CACNA1H: variants seen among roughly 807,000 people sequenced by gnomAD.
CACNA1H encodes voltage-dependent T-type calcium channel subunit alpha-1H.
A neutral mutation model predicts 192.5 loss-of-function variants in CACNA1H; 149 were observed. That is an observed-to-expected ratio of 0.77 (90% CI 0.68 to 0.89). The LOEUF (loss-of-function observed/expected upper bound fraction) is 0.89. Among genes scored for constraint, CACNA1H ranks in the 40% least tolerant of loss-of-function variants. The probability of loss-of-function intolerance (pLI) is 0.00; values close to 1 mark genes in which losing one functional copy is unlikely to be tolerated. For missense variants in CACNA1H, 4,257 were observed against 3,423.5 expected (o/e 1.24, Z -6.08); for synonymous variants, 2,202 against 1,475.2 (o/e 1.49, Z -11.29).
chr16:1,191,938 G>A (rs1381244490), intron 2 of CACNA1H, among the ~76,000 whole-genome samples: 1 of 152,290 alleles, frequency 6.6e-6, no homozygotes, highest in East Asian at 1.9e-4. Context: ...GCCGTCACCT[G>A]TGCAGCACCG....
rs3833847 is a variant in CACNA1H at position 1,219,789 on chromosome 16, TCA to T, written c.6049-189_6049-188del. ...CGGGTACAGGCTTTCCCCGGGAGCCTCACAGGTCAGGAGTGAGACTAGGACGT... is the reference window on the plus strand; with the variant it reads ...CGGGTACAGGCTTTCCCCGGGAGCCTCAGGTCAGGAGTGAGACTAGGACGT... On this transcript the variant is annotated intron_variant, in intron 34 of 34. Coordinates refer to ENST00000348261, the MANE Select transcript of CACNA1H (RefSeq NM_021098.3). Among the ~76,000 whole-genome samples, 98,764 of 151,896 alleles carry T rather than the reference TCA, an allele frequency of 0.65. 32,622 individuals carry two copies. Among genetic ancestry groups the T allele is most frequent in the East Asian group, 0.88 (4,510 of 5,140 alleles).
intron 5 of CACNA1H, among the ~76,000 whole-genome samples, chr16:1,196,583 C>A (rs950770907): frequency 6.6e-6 from 1 of 152,196 alleles, no homozygotes; most frequent in Non-Finnish European, 1.5e-5. Context: ...GTTGGCTGGC[C>A]AGGGCTGGGC....
intron 2 of CACNA1H, among the ~76,000 whole-genome samples, chr16:1,194,283 C>G (rs1966841389): frequency 1.3e-5 from 2 of 152,196 alleles, no homozygotes; most frequent in South Asian, 2.1e-4. Flanking sequence ...CCTGACTTCC[C>G]AAGGCTGTTC....
intron 2 of CACNA1H, among the ~76,000 whole-genome samples, chr16:1,155,285 C>A (rs889680772): frequency 1.3e-5 from 2 of 152,186 alleles, no homozygotes; most frequent in South Asian, 2.1e-4. Context: ...ACCCGCTGCC[C>A]GGGCGGCCTA....
At chr16:1,186,918 G>A (rs1235810141) in intron 2 of CACNA1H, among the ~76,000 whole-genome samples, 3 of 152,194 alleles carry the variant, frequency 2.0e-5, no homozygotes, top group Non-Finnish European at 2.9e-5. Context: ...TCTGAGTGGG[G>A]GTGGACACGG....
At chr16:1,194,305 G>A (rs911771181) in intron 2 of CACNA1H, among the ~76,000 whole-genome samples, 1 of 152,188 alleles carries the variant, frequency 6.6e-6, no homozygotes, top group Admixed American at 6.5e-5. Context: ...CTGACAAGTT[G>A]GTGCTTTCCA....
intron 30 of CACNA1H, 143 bp downstream of exon 30, chr16:1,215,736 A>G: frequency 7.2e-6 from 5 of 696,716 alleles, no homozygotes; most frequent in Non-Finnish European, 9.8e-6. Context: ...TGCTGTGTGC[A>G]GTGCATGGCT....
At chr16:1,165,193 C>CG (rs953459142) in intron 2 of CACNA1H, among the ~76,000 whole-genome samples, 1 of 152,062 alleles carries the variant, frequency 6.6e-6, no homozygotes, top group East Asian at 1.9e-4. Context: ...GCTGGGGAGA[C>CG]GGGGGGAAGA....
chr16:1,220,409 G>A lies in CACNA1H; in HGVS notation c.6477G>A (p.Glu2159=), dbSNP rs757791122. ...ACGAGCAGTGGCGGCCCTCGGCGGA[G>A]CTGGGCAGCGGGGAGCCTGGGGAGG... is the stretch of plus-strand genomic sequence containing the variant. ...RADEQWRPSA[E]LGSGEPGEAK... The change falls in exon 35 of 35, where the codon GAG becomes GAA. Residue 2159 remains glutamate, a synonymous_variant. Coordinates refer to ENST00000348261, the MANE Select transcript of CACNA1H (RefSeq NM_021098.3). 2 of 1,526,952 alleles carry A rather than the reference G, an allele frequency of 1.3e-6. No individual in the cohort carries two copies. Among genetic ancestry groups the A allele is most frequent in the East Asian group, 4.7e-5 (2 of 42,926 alleles). 94.6% of individuals were successfully genotyped at this position (1,526,952 alleles called of 1,614,324 possible). A position where few individuals can be genotyped will look rare whatever the true frequency, so the allele number is the denominator to read the frequency against.
In CACNA1H at chr16:1,215,242, G is replaced by T; in HGVS notation, c.5040G>T (p.Arg1680Ser). ...AFGFRRFFKD[R>S]WNQLDLAIVL... Reference sequence around the variant, plus strand: ...GTGCGCTGAGCCTCCGGCCACACAGGTGGAACCAGCTGGACCTGGCCATCG... The same window carrying T: ...GTGCGCTGAGCCTCCGGCCACACAGTTGGAACCAGCTGGACCTGGCCATCG... Residue 1680 changes from arginine to serine, a missense_variant and splice_region_variant, in exon 29 of 35, where the codon AGG (arginine) becomes AGT (serine). Coordinates refer to ENST00000348261, the MANE Select transcript of CACNA1H (RefSeq NM_021098.3). 1 of 1,602,148 alleles carries T rather than the reference G, an allele frequency of 6.2e-7. No homozygotes were observed. The highest frequency in any genetic ancestry group is 8.5e-7 in the Non-Finnish European group (1 of 1,174,170).
intron 2 of CACNA1H, among the ~76,000 whole-genome samples, chr16:1,160,648 G>C (rs1963073928): frequency 6.6e-6 from 1 of 152,212 alleles, no homozygotes; most frequent in Non-Finnish European, 1.5e-5. Context: ...GCGGGGCGGA[G>C]GTGGGCCCGG....
rs1968918391 is a variant in CACNA1H at position 1,207,781 on chromosome 16, C to G, written c.3075C>G (p.Asn1025Lys). Residue 1025 changes from asparagine to lysine, a missense_variant, in exon 15 of 35, where the codon AAC (asparagine) becomes AAG (lysine). Transcript: ENST00000348261. ...TTTGTTGGGTTTAGGGCGATGCCAA[C>G]AGATCCGACACGGACGAGGACAAGA... ...VEGFQAEGDA[N>K]RSDTDEDKTS... 6.3e-7 allele frequency: 1 copy of G among 1,598,406 alleles called. No homozygotes were observed. Among genetic ancestry groups the G allele is most frequent in the South Asian group, 1.1e-5 (1 of 88,288 alleles).
intron 2 of CACNA1H, among the ~76,000 whole-genome samples, chr16:1,183,600 G>T (rs111940936): frequency 1.3e-5 from 2 of 152,262 alleles, no homozygotes; most frequent in African/African-American, 4.8e-5. Flanking sequence ...CAGGACACGT[G>T]CCTGTCGTGG....
chr16:1,173,643 C>A (rs1245403397), intron 2 of CACNA1H, among the ~76,000 whole-genome samples: 3 of 152,286 alleles, frequency 2.0e-5, no homozygotes, highest in Non-Finnish European at 4.4e-5. Flanking sequence ...TTTGCAAGAC[C>A]CTCTGCCTGG....
intron 2 of CACNA1H, among the ~76,000 whole-genome samples, chr16:1,162,870 T>C (rs1347425502): frequency 6.6e-6 from 1 of 152,226 alleles, no homozygotes; most frequent in East Asian, 1.9e-4. Context: ...GAAACAGCTG[T>C]GGTCAGGTGG....
At chr16:1,198,844 G>A (rs1165316069) in intron 6 of CACNA1H, 70 bp downstream of exon 6, 1 of 1,455,214 alleles carries the variant, frequency 6.9e-7, no homozygotes, top group Admixed American at 2.0e-5. Context: ...AACGCACCAT[G>A]TGGCTCCACC....
At chr16:1,182,585 C>T (rs568829784) in intron 2 of CACNA1H, among the ~76,000 whole-genome samples, 5 of 152,308 alleles carry the variant, frequency 3.3e-5, no homozygotes, top group Admixed American at 1.3e-4. Flanking sequence ...GTCCAGGCGG[C>T]TGGCTCCGGC....
chr16:1,167,460 A>T lies in CACNA1H; in HGVS notation c.299+13424A>T, dbSNP rs114677997. 7.9e-3 allele frequency among the ~76,000 whole-genome samples: 1,167 copies of T among 147,856 alleles called. 20 individuals carry two copies. Among genetic ancestry groups the T allele is most frequent in the African/African-American group, 0.028 (1,106 of 40,142 alleles). On this transcript the variant is annotated intron_variant, in intron 2 of 34. Transcript: ENST00000348261. The surrounding 1 kb of genome is among the most constrained non-coding windows in gnomAD (Gnocchi z 4.2). Reference sequence around the variant, plus strand: ...GAATTTCAACACCCACACTTGGAATAAAAAAAAAAATTATTAATGAGCTTG... The same window carrying T: ...GAATTTCAACACCCACACTTGGAATTAAAAAAAAAATTATTAATGAGCTTG...
chr16:1,168,823 T>TGAG (rs1964069046), intron 2 of CACNA1H, among the ~76,000 whole-genome samples: 1 of 151,810 alleles, frequency 6.6e-6, no homozygotes, highest in Non-Finnish European at 1.5e-5. Context: ...CGAGGAGGGG[T>TGAG]GAGGCTGTCT....
Sources: allele counts gnomAD v4.1 joint callset (sites outside exome capture counted in the v4.1 genomes callset), GRCh38; gene constraint gnomAD v4.1.1; non-coding constraint Gnocchi (gnomAD v3.1); transcripts MANE v1.5; gene names NCBI Gene and HGNC (gene_info 2026-07-23, HGNC 2026-07-21).